GRID2: variants seen among roughly 807,000 people sequenced by gnomAD.
GRID2 encodes the protein glutamate ionotropic receptor delta type subunit 2, also known as glutamate receptor ionotropic, delta-2.
Under a neutral mutation model 114.8 loss-of-function variants are expected in GRID2, and 33 were observed. The observed-to-expected ratio is 0.29, with a 90% confidence interval of 0.22 to 0.38. GRID2 has a LOEUF of 0.38. Ranked by LOEUF, GRID2 falls within the 10% of genes least tolerant of loss-of-function variation. GRID2 has a pLI of 1.00. For synonymous variants in GRID2, 505 were observed against 449.9 expected, an observed-to-expected ratio of 1.12 and a Z score of -1.55; for missense variants, 1,184 against 1,257.7, an observed-to-expected ratio of 0.94 and a Z score of 0.89.
chr4:92,475,664 T>A (rs1392372253), intron 1 of GRID2, among the ~76,000 whole-genome samples: 1 of 152,044 alleles, frequency 6.6e-6, no homozygotes. Context: ...GGGTCTTTTA[T>A]GGTTCTGTAA....
At chr4:92,600,642 A>T (rs1384729942) in intron 2 of GRID2, among the ~76,000 whole-genome samples, 1 of 152,088 alleles carries the variant, frequency 6.6e-6, no homozygotes, top group African/African-American at 2.4e-5. Flanking sequence ...CCTCTTCTGT[A>T]GGGCTGCTGT....
intron 1 of GRID2, among the ~76,000 whole-genome samples, chr4:93,781,015 G>C (rs983757668): frequency 2.0e-5 from 3 of 152,202 alleles, no homozygotes; most frequent in African/African-American, 4.8e-5. Flanking sequence ...ACTGAATATA[G>C]AGTGTAAAAG....
At chr4:92,894,752 C>T (rs1235889445) in intron 2 of GRID2, among the ~76,000 whole-genome samples, 3 of 151,970 alleles carry the variant, frequency 2.0e-5, no homozygotes, top group Admixed American at 1.3e-4. Context: ...TTCAGTGAAC[C>T]GTGCTTGATT....
intron 8 of GRID2, among the ~76,000 whole-genome samples, chr4:93,384,232 T>G (rs1304056100): frequency 6.6e-6 from 1 of 152,142 alleles, no homozygotes; most frequent in Non-Finnish European, 1.5e-5. Flanking sequence ...TTCTTAAATC[T>G]TTAATACAAT....
intron 2 of GRID2, among the ~76,000 whole-genome samples, chr4:92,764,650 C>A (rs1738175655): frequency 6.6e-6 from 1 of 152,150 alleles, no homozygotes; most frequent in Non-Finnish European, 1.5e-5. Flanking sequence ...ATTTGTAATT[C>A]ATGCATGTAT....
At chr4:92,923,402 ATTG>A (rs1388667703) in intron 2 of GRID2, among the ~76,000 whole-genome samples, 3 of 152,272 alleles carry the variant, frequency 2.0e-5, no homozygotes, top group Admixed American at 6.5e-5. Context: ...ATATTGCTTT[ATTG>A]TTGTAATCTT....
intron 10 of GRID2, among the ~76,000 whole-genome samples, chr4:93,438,038 C>A (rs1445957480): frequency 6.6e-6 from 1 of 151,946 alleles, no homozygotes; most frequent in Non-Finnish European, 1.5e-5. Flanking sequence ...AATCAGAAGA[C>A]TAAGGTTATG....
At chr4:92,320,768 A>AC (rs1726273753) in intron 1 of GRID2, among the ~76,000 whole-genome samples, 1 of 151,158 alleles carries the variant, frequency 6.6e-6, no homozygotes, top group South Asian at 2.1e-4. Flanking sequence ...ATGAGCCACC[A>AC]CCCCCAGCTG....
intron 1 of GRID2, among the ~76,000 whole-genome samples, chr4:92,503,733 A>G (rs1484741561): frequency 6.6e-6 from 1 of 152,152 alleles, no homozygotes; most frequent in Non-Finnish European, 1.5e-5. Context: ...TTATAGTTAC[A>G]ACTTAATGCC....
intron 2 of GRID2, among the ~76,000 whole-genome samples, chr4:92,705,484 C>T (rs759161722): frequency 6.6e-6 from 1 of 152,160 alleles, no homozygotes; most frequent in African/African-American, 2.4e-5. Flanking sequence ...CTGGGGCATA[C>T]TCCCTTAACT....
intron 1 of GRID2, among the ~76,000 whole-genome samples, chr4:92,426,505 G>C (rs575203418): frequency 3.9e-4 from 59 of 152,146 alleles, no homozygotes; most frequent in African/African-American, 1.4e-3. Context: ...CTAAAACAAG[G>C]AATTACAAAC....
intron 1 of GRID2, among the ~76,000 whole-genome samples, chr4:92,406,753 A>G (rs575701680): frequency 2.1e-4 from 32 of 151,154 alleles, no homozygotes; most frequent in Admixed American, 6.6e-4. Context: ...CAACCTTACA[A>G]TTAGGCATTT....
Position 93,772,609 on chromosome 4 carries a change from A to T in GRID2, c.*111A>T. On this transcript the variant is annotated 3_prime_UTR_variant, in exon 16 of 16. Transcript: ENST00000282020. ...AACGTTTAAAAAAAAGATCAGGATT[A>T]TTAGTAACAATTCTAGTTTTTTCCT... The T allele has an allele frequency of 1.3e-6, 1 of 745,944 alleles. No individual in the cohort carries two copies. Among genetic ancestry groups the T allele is most frequent in the Admixed American group, 2.9e-5 (1 of 35,032 alleles). The allele number at this position is 745,944 out of a possible 1,614,324, so 46.2% of individuals were successfully genotyped here.
chr4:92,837,363 A>G (rs532719252), intron 2 of GRID2, among the ~76,000 whole-genome samples: 49 of 152,100 alleles, frequency 3.2e-4, no homozygotes, highest in African/African-American at 1.1e-3. Context: ...CCCAAGAACA[A>G]GTCTCCGTGA....
intron 4 of GRID2, among the ~76,000 whole-genome samples, chr4:93,180,674 T>G (rs1225899575): frequency 6.6e-6 from 1 of 152,128 alleles, no homozygotes; most frequent in Non-Finnish European, 1.5e-5. Context: ...TAAATTATTT[T>G]TTGTCATTTT....
intron 2 of GRID2, among the ~76,000 whole-genome samples, chr4:92,795,011 T>C (rs1052818079): frequency 2.7e-5 from 4 of 150,708 alleles, no homozygotes; most frequent in African/African-American, 9.8e-5. Context: ...ATATTCACTA[T>C]TAATTAAGTG....
intron 9 of GRID2, among the ~76,000 whole-genome samples, chr4:93,406,300 C>CAAA (rs1342596871): frequency 6.6e-6 from 1 of 152,152 alleles, no homozygotes; most frequent in Non-Finnish European, 1.5e-5. Flanking sequence ...ATTATCCCAG[C>CAAA]TTTCTTGCTG....
intron 2 of GRID2, among the ~76,000 whole-genome samples, chr4:92,935,457 C>A (rs1391515985): frequency 1.4e-5 from 2 of 146,702 alleles, no homozygotes; most frequent in African/African-American, 4.9e-5. Flanking sequence ...CTAGTTCAAC[C>A]ATTGTGGAAG....
chr4:93,273,842 C>T (rs1303939392), intron 8 of GRID2, among the ~76,000 whole-genome samples: 1 of 152,134 alleles, frequency 6.6e-6, no homozygotes, highest in East Asian at 1.9e-4. Flanking sequence ...GAACTGAATT[C>T]TACCAACAAT....
Sources: gnomAD v4.1 joint callset for allele counts (sites outside exome capture counted in the v4.1 genomes callset) on GRCh38, gnomAD v4.1.1 for gene constraint, MANE v1.5 for transcripts, NCBI Gene and HGNC (gene_info 2026-07-23, HGNC 2026-07-21) for gene names.